The following CORO1B variants were observed in gnomAD, a reference collection of about 807,000 sequenced individuals.
CORO1B encodes the protein coronin 1B, also known as coronin-1B.
A neutral mutation model predicts 51.1 loss-of-function variants in CORO1B; 30 were observed. The observed-to-expected ratio is 0.59, with a 90% CI of 0.44 to 0.80. CORO1B has a LOEUF of 0.80. Ranked by LOEUF, CORO1B falls within the 30% of genes least tolerant of loss-of-function variation. The probability of loss-of-function intolerance (pLI) is 0.00; values close to 1 mark genes in which losing one functional copy is unlikely to be tolerated. For missense variants in CORO1B, 648 were observed against 700.4 expected (o/e 0.93, Z 0.84); for synonymous variants, 310 against 289.7 (o/e 1.07, Z -0.71).
rs1490021751 is a variant in CORO1B at position 67,438,794 on chromosome 11, G to T, written c.1221C>A (p.Ser407Arg). Residue 407 changes from serine to arginine, a missense_variant, in exon 10 of 11, where the codon AGC (serine) becomes AGA (arginine). Ser to Arg is a moderately radical substitution (Grantham distance 110). Transcript: ENST00000341356. ...VPSKQRDLKISRRNVLSDSRP... is the reference protein window; with the variant it reads ...VPSKQRDLKIRRRNVLSDSRP... ...GGCTGTCAGACAACACGTTGCGCCG[G>T]CTGATCTTCAGGTCCCGCTGCTTGC... 1 of 1,602,580 alleles carries T rather than the reference G, an allele frequency of 6.2e-7. No individual in the cohort carries two copies. Among genetic ancestry groups the T allele is most frequent in the African/African-American group, 1.3e-5 (1 of 74,940 alleles).
chr11:67,442,603 T>G lies in CORO1B; in HGVS notation c.26A>C (p.Gln9Pro), dbSNP rs1308477856. The G allele has an allele frequency of 6.2e-7, 1 of 1,613,746 alleles. No homozygotes were observed. The highest frequency in any genetic ancestry group is 1.3e-5 in the African/African-American group (1 of 75,070). MSFRKVVR[Q>P]SKFRHVFGQP... ...CCCGAACACATGCCGGAATTTGCTC[T>G]GCCGGACCACTTTGCGGAAGGACAT... The change falls in exon 2 of 11, where the codon CAG (glutamine) becomes CCG (proline). Residue 9 changes from glutamine (Q) to proline (P), a missense_variant. Coordinates refer to ENST00000341356, the MANE Select transcript of CORO1B (RefSeq NM_020441.3).
In CORO1B at chr11:67,440,399, G is replaced by A. The variant is rs770094141; in HGVS notation, c.797C>T (p.Ser266Leu). The change falls in exon 7 of 11, where the codon TCG (serine) becomes TTG (leucine). Residue 266 changes from serine to leucine, a missense_variant. Ser to Leu is a moderately radical substitution (Grantham distance 145, BLOSUM62 -2). Transcript: ENST00000341356. ...EEPMALQELD[S>L]SNGALLPFYD... Reference sequence around the variant, plus strand: ...GAAGGGCAGCAGGGCCCCGTTGCTCGAGTCCAGTTCCTGCAGGGCCATGGG... The same window carrying A: ...GAAGGGCAGCAGGGCCCCGTTGCTCAAGTCCAGTTCCTGCAGGGCCATGGG... 2.5e-6 allele frequency: 4 copies of A among 1,613,894 alleles called. No individual in the cohort carries two copies. Among genetic ancestry groups the A allele is most frequent in the South Asian group, 2.2e-5 (2 of 91,086 alleles).
Position 67,442,644 on chromosome 11 carries a change from AG to A in CORO1B, c.-2-15del. The A allele has an allele frequency of 6.2e-7, 1 of 1,612,426 alleles. No individual in the cohort carries two copies. Among genetic ancestry groups the A allele is most frequent in the Non-Finnish European group, 8.5e-7 (1 of 1,179,452 alleles). ...GGAAGGACATGTCTGCGGGACAGAGAGGCCTGGGTCAGTCCGGCCCATCCCA... is the reference window on the plus strand; with the variant it reads ...GGAAGGACATGTCTGCGGGACAGAGAGCCTGGGTCAGTCCGGCCCATCCCA... On this transcript the variant is annotated splice_polypyrimidine_tract_variant and intron_variant, in intron 1 of 10. Coordinates refer to ENST00000341356, the MANE Select transcript of CORO1B (RefSeq NM_020441.3).
At chr11:67,442,258 A>G (rs1039236987) in intron 2 of CORO1B, among the ~76,000 whole-genome samples, 170 bp from the exon 3 acceptor site, 3 of 152,198 alleles carry the variant, frequency 2.0e-5, no homozygotes, top group African/African-American at 7.2e-5. Context: ...CCCTGCCTCT[A>G]TGGCAACAGG....
intron 1 of CORO1B, 49 bp from the exon 2 acceptor site, chr11:67,442,679 A>G: frequency 6.3e-7 from 1 of 1,575,550 alleles, no homozygotes; most frequent in South Asian, 1.1e-5. Context: ...CAACAACTCC[A>G]GCCCTCCCCA....
intron 1 of CORO1B, 115 bp downstream of exon 1, chr11:67,443,289 G>A (rs1282903147): frequency 6.0e-6 from 1 of 166,114 alleles, no homozygotes; most frequent in African/African-American, 2.4e-5. Context: ...GTGGGGTAGA[G>A]GGGAGGCGAA....
Position 67,442,440 on chromosome 11 carries a change from G to A in CORO1B, c.189C>T (p.Leu63=), listed in dbSNP as rs762097445. The A allele has an allele frequency of 1.9e-6, 3 of 1,613,090 alleles. No individual in the cohort carries two copies. Among genetic ancestry groups the A allele is most frequent in the Non-Finnish European group, 2.5e-6 (3 of 1,180,014 alleles). The part of the protein sequence containing the change: ...EASGGGAFLV[L]PLSKTGRIDK... ...TGACAGGACCCACCTTGCTTAGGGG[G>A]AGCACCAGAAAGGCACCCCCTCCAC... Residue 63 remains leucine, a synonymous_variant, in exon 2 of 11, where the codon CTC becomes CTT. Coordinates refer to ENST00000341356, the MANE Select transcript of CORO1B (RefSeq NM_020441.3).
chr11:67,438,336 G>A lies in CORO1B; in HGVS notation c.*40C>T, dbSNP rs1864327812. The stretch of plus-strand genomic sequence containing the variant: ...CCGCTGGCAGAAGCTGAGTGGGAAG[G>A]GGGCGGCGGAGGAGATGAAGGTGGC... On this transcript the variant is annotated 3_prime_UTR_variant, in exon 11 of 11. Transcript: ENST00000341356. 6.4e-7 allele frequency: 1 copy of A among 1,563,400 alleles called. No individual in the cohort carries two copies. Among genetic ancestry groups the A allele is most frequent in the East Asian group, 2.3e-5 (1 of 44,120 alleles).
At position 67,437,864 on chromosome 11, in the gene CORO1B, A is replaced by G. The variant is rs1187315025; in HGVS notation, c.*512T>C. The G allele has an allele frequency of 5.0e-6, 2 of 396,578 alleles. No individual in the cohort carries two copies. The highest frequency in any genetic ancestry group is 3.6e-5 in the East Asian group (1 of 27,662). The allele number at this position is 396,578 out of a possible 1,614,324, so 24.6% of individuals were successfully genotyped here. The stretch of plus-strand genomic sequence containing the variant: ...AGAAGCAGCACCAACTTGAAGCTGG[A>G]TGCAGCCTTGCATGTGTTCTCAGGT... On this transcript the variant is annotated 3_prime_UTR_variant, in exon 11 of 11. Coordinates refer to ENST00000341356, the MANE Select transcript of CORO1B (RefSeq NM_020441.3).
In CORO1B at chr11:67,438,520, G is replaced by T. The variant is rs1488610031; in HGVS notation, c.1345-19C>A. On this transcript the variant is annotated intron_variant, in intron 10 of 10. Coordinates refer to ENST00000341356, the MANE Select transcript of CORO1B (RefSeq NM_020441.3). The stretch of plus-strand genomic sequence containing the variant: ...CAGCCTCCTGTGGGGACATGAAGCA[G>T]GGGTAGGGGGCGGTGGTCAGGGGCT... The T allele has an allele frequency of 6.3e-7, 1 of 1,597,160 alleles. No homozygotes were observed. The highest frequency in any genetic ancestry group is 2.2e-5 in the East Asian group (1 of 44,488).
intron 10 of CORO1B, 63 bp from the exon 11 acceptor site, chr11:67,438,564 C>G (rs1864334500): frequency 6.4e-7 from 1 of 1,563,196 alleles, no homozygotes; most frequent in Non-Finnish European, 8.7e-7. Context: ...ATAGCCCTCC[C>G]AAACCCACCA....
chr11:67,437,535 C>T lies in CORO1B; in HGVS notation c.*841G>A. 1 of 1,307,616 alleles carries T rather than the reference C, an allele frequency of 7.6e-7. No individual in the cohort carries two copies. The highest frequency in any genetic ancestry group is 2.8e-5 in the East Asian group (1 of 35,688). The allele number at this position is 1,307,616 out of a possible 1,614,324, so 81.0% of individuals were successfully genotyped here. On this transcript the variant is annotated 3_prime_UTR_variant, in exon 11 of 11. Transcript: ENST00000341356. ...TTCCCTGGGGCCAATGTGGGGCCCT[C>T]CTTAGCTCCACAGGCCCAGACATTC...
rs767050168 is a variant in CORO1B, at chr11:67,439,810, G to A, written c.1041C>T (p.Pro347=). 14 of 1,590,372 alleles carry A rather than the reference G, an allele frequency of 8.8e-6. No individual in the cohort carries two copies. The African/African-American group carries it at 9.4e-5, about 11-fold the overall frequency. ...CCTTTCTTGGCACAGTCATGACGATGGGCTCACACTTGCGCTCATGCAGTT... is the reference window on the plus strand; with the variant it reads ...CCTTTCTTGGCACAGTCATGACGATAGGCTCACACTTGCGCTCATGCAGTT... ...FYKLHERKCE[P]IVMTVPRKSD... Residue 347 remains proline (P), a synonymous_variant, in exon 9 of 11, where the codon CCC becomes CCT. Transcript: ENST00000341356.
chr11:67,441,149 C>T lies in CORO1B; in HGVS notation c.732G>A (p.Glu244=). Residue 244 remains glutamate (E), a synonymous_variant, in exon 6 of 11, where the codon GAG becomes GAA. Coordinates refer to ENST00000341356, the MANE Select transcript of CORO1B (RefSeq NM_020441.3). ...CTGGGTCCCAGAGCGCCAGCTGCCG[C>T]TCGCTCATTCGGCTGAAGCCTGTGG... is the stretch of plus-strand genomic sequence containing the variant. ...VFTTGFSRMS[E]RQLALWDPEN... 1 of 1,613,078 alleles carries T rather than the reference C, an allele frequency of 6.2e-7. No homozygotes were observed. The highest frequency in any genetic ancestry group is 8.5e-7 in the Non-Finnish European group (1 of 1,180,010).
Position 67,438,273 on chromosome 11 carries a change from C to A in CORO1B, c.*103G>T, listed in dbSNP as rs1039116508. ...GGGGTGGGAACTGACCCCTGCGCTG[C>A]CTCAGAGGCTCTGGGCAGCCAGCTA... On this transcript the variant is annotated 3_prime_UTR_variant, in exon 11 of 11. Transcript: ENST00000341356. 2.7e-5 allele frequency: 40 copies of A among 1,474,632 alleles called. No individual in the cohort carries two copies. The highest frequency in any genetic ancestry group is 3.0e-5 in the Non-Finnish European group (33 of 1,098,896). The allele number at this position is 1,474,632 out of a possible 1,614,324, so 91.3% of individuals were successfully genotyped here.
chr11:67,436,278 C>T lies in CORO1B; in HGVS notation c.*2098G>A, dbSNP rs1377177391. 6.5e-7 allele frequency: 1 copy of T among 1,539,140 alleles called. No homozygotes were observed. The highest frequency in any genetic ancestry group is 8.7e-7 in the Non-Finnish European group (1 of 1,146,766). ...ACAGAGCTGGAGCCCACGCTGTCCT[C>T]CGCGCTGCCACCCGAGCCCAAGGCC... On this transcript the variant is annotated 3_prime_UTR_variant, in exon 11 of 11. Coordinates refer to ENST00000341356, the MANE Select transcript of CORO1B (RefSeq NM_020441.3).
At chr11:67,441,635 T>C in intron 4 of CORO1B, 98 bp downstream of exon 4, 1 of 1,451,530 alleles carries the variant, frequency 6.9e-7, no homozygotes, top group Non-Finnish European at 9.2e-7. Context: ...TCTGAGGGCC[T>C]CAGCTTTCCC....
intron 6 of CORO1B, 40 bp from the exon 7 acceptor site, chr11:67,440,479 C>T: frequency 1.3e-6 from 2 of 1,588,450 alleles, no homozygotes; most frequent in Admixed American, 3.4e-5. Flanking sequence ...AGAACCTCCT[C>T]ACCCCCTAAT....
At position 67,436,617 on chromosome 11, in the gene CORO1B, C is replaced by A; in HGVS notation, c.*1759G>T. On this transcript the variant is annotated 3_prime_UTR_variant, in exon 11 of 11. Transcript: ENST00000341356. ...CTGGGGCCTTCGCACTGGCTGTTCC[C>A]TCTGCCCGGAAAGCTCCACCTCCTC... 1 of 387,148 alleles carries A rather than the reference C, an allele frequency of 2.6e-6. No individual in the cohort carries two copies. The highest frequency in any genetic ancestry group is 4.6e-6 in the Non-Finnish European group (1 of 217,466). 24.0% of individuals were successfully genotyped at this position (387,148 alleles called of 1,614,324 possible).
Sources: allele counts gnomAD v4.1 joint callset (sites outside exome capture counted in the v4.1 genomes callset), GRCh38; gene constraint gnomAD v4.1.1; transcripts MANE v1.5; gene names NCBI Gene and HGNC (gene_info 2026-07-23, HGNC 2026-07-21).